Variants in USPL1 observed in about 807,000 individuals in gnomAD.
The protein encoded by USPL1 is SUMO-specific isopeptidase USPL1.
Under a neutral mutation model 51.5 loss-of-function variants are expected in USPL1, and 27 were observed. The ratio of observed to expected loss-of-function variants is 0.52; its 90% CI spans 0.39 to 0.72. The LOEUF is 0.72. USPL1 is among the 30% of genes least tolerant of loss of function. The probability of loss-of-function intolerance (pLI) is 0.00; values close to 1 mark genes in which losing one functional copy is unlikely to be tolerated. For missense variants in USPL1, 1,226 were observed against 1,268.0 expected, an observed-to-expected ratio of 0.97 and a Z score of 0.50; for synonymous variants, 451 against 459.6, an observed-to-expected ratio of 0.98 and a Z score of 0.24.
intron 5 of USPL1, among the ~76,000 whole-genome samples, chr13:30,642,193 G>T (rs1026601302): frequency 6.6e-6 from 1 of 152,142 alleles, no homozygotes; most frequent in Non-Finnish European, 1.5e-5. Context: ...CAGAGGTAAC[G>T]CAAGCAGTCT....
Position 30,658,894 on chromosome 13 carries a change from A to G in USPL1, c.2817A>G (p.Leu939=), listed in dbSNP as rs768478090. 1 of 1,614,198 alleles carries G rather than the reference A, an allele frequency of 6.2e-7. No homozygotes were observed. Residue 939 remains leucine (L), a synonymous_variant, in exon 9 of 9, where the codon TTA becomes TTG. Transcript: ENST00000255304. ...ATTGTGAATCAATAGAGGACTTGTTAAATGAGCTACCATATCCAATTGATA... is the reference window on the plus strand; with the variant it reads ...ATTGTGAATCAATAGAGGACTTGTTGAATGAGCTACCATATCCAATTGATA... ...PNDCESIEDL[L]NELPYPIDIA...
intron 3 of USPL1, among the ~76,000 whole-genome samples, chr13:30,629,272 G>A (rs1950766131): frequency 1.3e-5 from 2 of 152,166 alleles, no homozygotes; most frequent in Non-Finnish European, 2.9e-5. Flanking sequence ...GGGAGGCCGA[G>A]GCAGGCAGAT....
At chr13:30,640,725 G>T (rs1462568542) in intron 5 of USPL1, among the ~76,000 whole-genome samples, 2 of 152,054 alleles carry the variant, frequency 1.3e-5, no homozygotes, top group Non-Finnish European at 2.9e-5. Context: ...TAATGTTTTT[G>T]TTCAAAAGTA....
rs763484147 is a variant in USPL1 at position 30,659,156 on chromosome 13, T to G, written c.3079T>G (p.Cys1027Gly). The G allele has an allele frequency of 3.1e-6, 5 of 1,614,102 alleles. No individual in the cohort carries two copies. The South Asian group carries it at 5.5e-5, about 18-fold the overall frequency. ...NTHLRQDHNY[C>G]SPTKKNPCEV... ...ACATCTGAGACAGGACCATAATTAT[T>G]GTAGCCCCACCAAGAAAAATCCATG... The change falls in exon 9 of 9, where the codon TGT becomes GGT. Residue 1027 changes from cysteine (C) to glycine (G), a missense_variant. Cys to Gly is a radical substitution (Grantham distance 159). Transcript: ENST00000255304.
rs563795210 is a variant in USPL1 at position 30,634,228 on chromosome 13, A to G, written c.868+2754A>G. Among the ~76,000 whole-genome samples, 3 of 152,348 alleles carry G rather than the reference A, an allele frequency of 2.0e-5. No individual in the cohort carries two copies. In the South Asian group the frequency reaches 6.2e-4, roughly 32 times the overall value. On this transcript the variant is annotated intron_variant, in intron 4 of 8. Transcript: ENST00000255304. ...GATCGCATCACCAAGATGGCTGCTA[A>G]GTGAACCACAGGCAGGAGTGTAGAC...
Position 30,646,433 on chromosome 13 carries a change from T to C in USPL1, c.1113-499T>C, listed in dbSNP as rs558640356. ...GTTTGGAAACATCCCCTTTTCATTT[T>C]TGGTTGTCTGTAATGGCTAGCCAGT... On this transcript the variant is annotated intron_variant, in intron 6 of 8. Coordinates refer to ENST00000255304, the MANE Select transcript of USPL1 (RefSeq NM_005800.5). Among the ~76,000 whole-genome samples the C allele has an allele frequency of 2.0e-3, 300 of 152,348 alleles. 2 individuals are homozygous for C. The highest frequency in any genetic ancestry group is 7.6e-4 in the Non-Finnish European group (52 of 68,038).
intron 4 of USPL1, among the ~76,000 whole-genome samples, chr13:30,633,784 CAAAAAAAAAAAAA>C (rs61682331): frequency 2.4e-5 from 1 of 41,274 alleles, no homozygotes; most frequent in Non-Finnish European, 5.1e-5. Flanking sequence ...GACTCTGTCT[CAAAAAAAAAAAAA>C]AAAAAAAAAA....
At chr13:30,649,254 A>G (rs1484450754) in intron 7 of USPL1, among the ~76,000 whole-genome samples, 1 of 152,194 alleles carries the variant, frequency 6.6e-6, no homozygotes, top group Non-Finnish European at 1.5e-5. Flanking sequence ...TTAAATTTTA[A>G]ATGCCAAGGT....
intron 1 of USPL1, among the ~76,000 whole-genome samples, chr13:30,618,873 A>C (rs1950608718): frequency 1.3e-5 from 2 of 152,176 alleles, no homozygotes; most frequent in African/African-American, 4.8e-5. Context: ...AGTTTGCTGT[A>C]ATCAGGCTAG....
At chr13:30,655,072 G>A (rs1322455375) in intron 8 of USPL1, among the ~76,000 whole-genome samples, 2 of 151,756 alleles carry the variant, frequency 1.3e-5, no homozygotes, top group African/African-American at 2.4e-5. Context: ...CTGAGTAGCC[G>A]GAATACACGC....
intron 8 of USPL1, among the ~76,000 whole-genome samples, chr13:30,653,854 TTGTC>T (rs1951124415): frequency 6.6e-6 from 1 of 152,242 alleles, no homozygotes; most frequent in South Asian, 2.1e-4. Flanking sequence ...AATGTTCACT[TTGTC>T]TTAGACAAGA....
intron 7 of USPL1, among the ~76,000 whole-genome samples, chr13:30,648,286 A>C (rs1193480233): frequency 6.6e-6 from 1 of 152,146 alleles, no homozygotes; most frequent in Non-Finnish European, 1.5e-5. Flanking sequence ...TTAAAGACTT[A>C]TTAATAAATT....
In USPL1 at chr13:30,658,406, G is replaced by C. The variant is rs767566412; in HGVS notation, c.2329G>C (p.Ala777Pro). Residue 777 changes from alanine to proline, a missense_variant, in exon 9 of 9, where the codon GCT becomes CCT. By Grantham distance (27) the Ala-to-Pro change is conservative. Transcript: ENST00000255304. ...GASFMPLCVS[A>P]HNRNTITDLQ... ...TTCTTTTATGCCACTCTGTGTTTCA[G>C]CTCATAATAGAAACACTATAACTGA... 32 of 1,613,638 alleles carry C rather than the reference G, an allele frequency of 2.0e-5. 1 individual carries two copies. The South Asian group carries it at 3.4e-4, about 17-fold the overall frequency.
At chr13:30,645,747 G>A (rs977919207) in intron 6 of USPL1, among the ~76,000 whole-genome samples, 5 of 152,174 alleles carry the variant, frequency 3.3e-5, no homozygotes, top group Non-Finnish European at 5.9e-5. Context: ...TAAAAACATA[G>A]TCTTCAGAGG....
chr13:30,655,903 G>A (rs770610999), intron 8 of USPL1, among the ~76,000 whole-genome samples: 8 of 152,166 alleles, frequency 5.3e-5, no homozygotes, highest in Non-Finnish European at 8.8e-5. Context: ...AGTAAGCTAC[G>A]TATTTGCTGT....
chr13:30,621,809 T>C lies in USPL1; in HGVS notation c.145T>C (p.Cys49Arg), dbSNP rs1288625488. 1 of 1,586,496 alleles carries C rather than the reference T, an allele frequency of 6.3e-7. No individual in the cohort carries two copies. Among genetic ancestry groups the C allele is most frequent in the Non-Finnish European group, 8.6e-7 (1 of 1,168,920 alleles). ...KVPSDEYCPA[C>R]REKGKLKALK... ...TCCATCAGATGAGTATTGCCCTGCT[T>C]GTAGAGAGAAGGGAAAGTTAAAAGC... is the stretch of plus-strand genomic sequence containing the variant. The change falls in exon 3 of 9, where the codon TGT becomes CGT. Residue 49 changes from cysteine (C) to arginine (R), a missense_variant. Coordinates refer to ENST00000255304, the MANE Select transcript of USPL1 (RefSeq NM_005800.5).
chr13:30,630,118 G>A (rs1017335446), intron 3 of USPL1, among the ~76,000 whole-genome samples: 1 of 152,024 alleles, frequency 6.6e-6, no homozygotes, highest in Non-Finnish European at 1.5e-5. Flanking sequence ...CTGGGAATAC[G>A]GGAGTGTACT....
At chr13:30,633,784 C>CAAAAA (rs61682331) in intron 4 of USPL1, among the ~76,000 whole-genome samples, 135 of 40,818 alleles carry the variant, frequency 3.3e-3, no homozygotes, top group Non-Finnish European at 4.8e-3. Flanking sequence ...GACTCTGTCT[C>CAAAAA]AAAAAAAAAA....
chr13:30,652,270 AATT>A (rs1303416736), intron 7 of USPL1, among the ~76,000 whole-genome samples: 1 of 152,202 alleles, frequency 6.6e-6, no homozygotes, highest in East Asian at 1.9e-4. Context: ...TTGAGGACTT[AATT>A]ATTCTCTAAT....
Sources: allele counts gnomAD v4.1 joint callset (sites outside exome capture counted in the v4.1 genomes callset), GRCh38; gene constraint gnomAD v4.1.1; transcripts MANE v1.5; gene names NCBI Gene and HGNC (gene_info 2026-07-23, HGNC 2026-07-21).